The following KRT79 variants were observed in gnomAD, a reference collection of about 807,000 sequenced individuals.
The protein encoded by KRT79 is keratin 79.
A neutral mutation model predicts 49.0 loss-of-function variants in KRT79; 51 were observed. The observed-to-expected ratio is 1.04, with a 90% CI of 0.83 to 1.31. The LOEUF is 1.31. Among genes scored for constraint, KRT79 ranks in the 40% most tolerant of loss-of-function variants. KRT79 has a pLI of 0.00. For missense variants in KRT79, 728 were observed against 688.0 expected (o/e 1.06, Z -0.65); for synonymous variants, 312 against 286.6 (o/e 1.09, Z -0.90).
At chr12:52,830,144 C>A (rs781679816) in intron 3 of KRT79, 26 bp from the exon 4 acceptor site, 4 of 1,613,216 alleles carry the variant, frequency 2.5e-6, no homozygotes, top group Non-Finnish European at 1.7e-6. Context: ...CAAGACAGAT[C>A]CTCAGGCCCC....
chr12:52,829,671 C>T (rs898540096), intron 4 of KRT79, among the ~76,000 whole-genome samples: 3 of 152,152 alleles, frequency 2.0e-5, no homozygotes, highest in Non-Finnish European at 2.9e-5. Context: ...GAGGCCAAGG[C>T]GGGTGGATCA....
intron 8 of KRT79, 83 bp downstream of exon 8, chr12:52,822,262 A>G: frequency 5.5e-6 from 8 of 1,445,868 alleles, no homozygotes; most frequent in Non-Finnish European, 7.7e-6. Flanking sequence ...AGCATGCTTT[A>G]GGACAGGTAC....
At chr12:52,830,503 C>T in intron 2 of KRT79, 1 of 571,350 alleles carries the variant, frequency 1.8e-6, no homozygotes, top group East Asian at 2.9e-5. Context: ...GGGAAAGAGG[C>T]ACAGAATTTG....
At position 52,834,216 on chromosome 12, in the gene KRT79, GC is replaced by G; in HGVS notation, c.44del (p.Gly15AlafsTer22). 2 of 1,613,854 alleles carry G rather than the reference GC, an allele frequency of 1.2e-6. No homozygotes were observed. Among genetic ancestry groups the G allele is most frequent in the Non-Finnish European group, 1.7e-6 (2 of 1,180,024 alleles). The part of the protein sequence containing the change: ...VSRQTYSTKG[G>X]FSSNSASGGS... ...CTCCGCTGGCAGAGTTGGAGCTGAA[GC>G]CCCCTTTTGTGGAGTATGTTTGCCG... On this transcript the variant is annotated frameshift_variant, in exon 1 of 9. Coordinates refer to ENST00000330553, the MANE Select transcript of KRT79 (RefSeq NM_175834.3). LOFTEE classifies it high-confidence loss of function.
chr12:52,822,514 T>C (rs889792950), intron 7 of KRT79, 135 bp from the exon 8 acceptor site: 2 of 673,458 alleles, frequency 3.0e-6, no homozygotes, highest in Non-Finnish European at 5.1e-6. Context: ...ATGAGAAGTA[T>C]GTGTATAGGG....
chr12:52,821,687 A>G lies in KRT79; in HGVS notation c.*185T>C, dbSNP rs1940089580. The G allele has an allele frequency of 1.3e-5, 8 of 607,480 alleles. No homozygotes were observed. In the South Asian group the frequency reaches 1.6e-4, roughly 12 times the overall value. The allele number at this position is 607,480 out of a possible 1,614,324, so 37.6% of individuals were successfully genotyped here. ...TTAACCTTCCCTCCCATCCTACTGC[A>G]GGACCAAGGAGAAAACCTGAGTAGA... On this transcript the variant is annotated 3_prime_UTR_variant, in exon 9 of 9. Transcript: ENST00000330553.
chr12:52,822,961 C>G, intron 7 of KRT79, 55 bp downstream of exon 7: 1 of 1,549,204 alleles, frequency 6.5e-7, no homozygotes, highest in South Asian at 1.2e-5. Context: ...TCCCTGGGCT[C>G]TCCCCCAGGG....
chr12:52,822,215 C>G (rs1278594210), intron 8 of KRT79, 130 bp downstream of exon 8: 1 of 1,266,740 alleles, frequency 7.9e-7, no homozygotes, highest in Non-Finnish European at 1.1e-6. Context: ...AGAACTAGGA[C>G]CCTCTGAACC....
intron 4 of KRT79, among the ~76,000 whole-genome samples, chr12:52,827,979 G>A (rs973363030): frequency 6.6e-6 from 1 of 152,140 alleles, no homozygotes; most frequent in African/African-American, 2.4e-5. Flanking sequence ...GAGAGATATG[G>A]AGAGGAGGAG....
In KRT79 at chr12:52,821,979, AT is replaced by A. The variant is rs757373529; in HGVS notation, c.1500del (p.Phe501SerfsTer38). The A allele has an allele frequency of 6.2e-7, 1 of 1,614,128 alleles. No homozygotes were observed. Among genetic ancestry groups the A allele is most frequent in the Non-Finnish European group, 8.5e-7 (1 of 1,180,012 alleles). ...GTGCTATAGCCCACATTTGTGCTGA[AT>A]CCACCCTTGGTGGCCCCCCCACTCC... Reference protein sequence around the residue: ...LGGSGGATKGGFSTNVGYSTV... With the variant: ...LGGSGGATKGXFSTNVGYSTV... On this transcript the variant is annotated frameshift_variant, in exon 9 of 9. Coordinates refer to ENST00000330553, the MANE Select transcript of KRT79 (RefSeq NM_175834.3). LOFTEE classifies it high-confidence loss of function.
intron 2 of KRT79, among the ~76,000 whole-genome samples, chr12:52,831,180 G>A (rs921127357): frequency 9.2e-5 from 14 of 152,190 alleles, no homozygotes; most frequent in African/African-American, 3.1e-4. Context: ...GGAACATGGG[G>A]TTCATTATAC....
chr12:52,823,936 G>T lies in KRT79; in HGVS notation c.1097C>A (p.Thr366Asn). 1.2e-6 allele frequency: 2 copies of T among 1,614,058 alleles called. No homozygotes were observed. The highest frequency in any genetic ancestry group is 1.7e-6 in the Non-Finnish European group (2 of 1,180,002). The part of the protein sequence containing the change: ...RDTKNEIAEL[T>N]RTIQRLQGEA... ...CCCCTGCAGCCTCTGGATAGTGCGG[G>T]TGAGCTCAGCAATCTCGTTCTTGGT... Residue 366 changes from threonine to asparagine, a missense_variant, in exon 6 of 9, where the codon ACC (threonine) becomes AAC (asparagine). Transcript: ENST00000330553.
chr12:52,833,634 G>A, intron 1 of KRT79, 150 bp downstream of exon 1: 1 of 727,486 alleles, frequency 1.4e-6, no homozygotes, highest in Non-Finnish European at 2.4e-6. Flanking sequence ...CCACGTCTCG[G>A]CATCCCAGGC....
intron 1 of KRT79, among the ~76,000 whole-genome samples, chr12:52,833,534 C>A (rs988671980): frequency 6.6e-6 from 1 of 152,144 alleles, no homozygotes; most frequent in Admixed American, 6.5e-5. Flanking sequence ...TCAACACGGG[C>A]AAGGTGGACT....
chr12:52,827,084 A>G (rs1352741345), intron 4 of KRT79, among the ~76,000 whole-genome samples: 1 of 152,026 alleles, frequency 6.6e-6, no homozygotes, highest in Non-Finnish European at 1.5e-5. Flanking sequence ...ATGTTCCTTC[A>G]TGCCTCCATG....
chr12:52,823,661 G>C (rs1385671130), intron 6 of KRT79, among the ~76,000 whole-genome samples: 1 of 152,108 alleles, frequency 6.6e-6, no homozygotes, highest in Non-Finnish European at 1.5e-5. Flanking sequence ...AGTTTCCTTG[G>C]AGAAGGTTGT....
chr12:52,830,972 T>C (rs1370186672), intron 2 of KRT79, among the ~76,000 whole-genome samples: 1 of 152,148 alleles, frequency 6.6e-6, no homozygotes, highest in African/African-American at 2.4e-5. Flanking sequence ...CATGCAGATA[T>C]ATGAATATAA....
Position 52,833,851 on chromosome 12 carries a change from C to T in KRT79, c.410G>A (p.Arg137Gln), listed in dbSNP as rs141972736. ...CTGCTCCCGCTCCTGAGTGCGCACTCGCTGGATCTCGGGGTCAATCTCCAC... is the reference window on the plus strand; with the variant it reads ...CTGCTCCCGCTCCTGAGTGCGCACTTGCTGGATCTCGGGGTCAATCTCCAC... ...LHVEIDPEIQ[R>Q]VRTQEREQIK... The change falls in exon 1 of 9, where the codon CGA becomes CAA. Residue 137 changes from arginine to glutamine, a missense_variant. Physicochemically the swap from Arg to Gln is conservative, Grantham distance 43. Transcript: ENST00000330553. 159 of 1,613,990 alleles carry T rather than the reference C, an allele frequency of 9.9e-5. 2 individuals carry two copies. The African/African-American group carries it at 1.5e-3, about 15-fold the overall frequency.
At chr12:52,831,333 G>T in intron 2 of KRT79, 73 bp downstream of exon 2, 2 of 1,426,096 alleles carry the variant, frequency 1.4e-6, no homozygotes, top group Admixed American at 1.7e-5. Flanking sequence ...CTGGGAATGG[G>T]GTGGCCCTCT....
Sources: allele counts gnomAD v4.1 joint callset (sites outside exome capture counted in the v4.1 genomes callset), GRCh38; gene constraint gnomAD v4.1.1; transcripts MANE v1.5; gene names NCBI Gene and HGNC (gene_info 2026-07-23, HGNC 2026-07-21).